The following GAA variants were observed in gnomAD, a reference collection of about 807,000 sequenced individuals.
The protein encoded by GAA is alpha glucosidase, also known as lysosomal alpha-glucosidase.
A neutral mutation model predicts 103.9 loss-of-function variants in GAA; 88 were observed. The observed-to-expected ratio is 0.85, with a 90% CI of 0.71 to 1.01. The LOEUF (loss-of-function observed/expected upper bound fraction) is 1.01. GAA is among the 50% of genes least tolerant of loss of function. The probability of loss-of-function intolerance (pLI) is 0.00; values close to 1 mark genes in which losing one functional copy is unlikely to be tolerated. For synonymous variants in GAA, 572 were observed against 563.1 expected (o/e 1.02, Z -0.22); for missense variants, 1,350 against 1,305.3 (o/e 1.03, Z -0.53).
At chr17:80,111,746 A>G (rs1453003708) in intron 11 of GAA, 2 of 562,048 alleles carry the variant, frequency 3.6e-6, no homozygotes, top group Admixed American at 3.1e-5. Flanking sequence ...GGGGGTCTGC[A>G]GAGCCCAGGC....
At position 80,105,888 on chromosome 17, in the gene GAA, G is replaced by C. The variant is rs776509432; in HGVS notation, c.686G>C (p.Arg229Pro). 49 of 1,595,274 alleles carry C rather than the reference G, an allele frequency of 3.1e-5. No individual in the cohort carries two copies. Among genetic ancestry groups the C allele is most frequent in the Non-Finnish European group, 4.2e-5 (49 of 1,174,302 alleles). ...ATCGTGCGCCGGCAGCTGGACGGCC[G>C]CGTGCTGTGAGTTCTGGGCTCTGTG... ...GVIVRRQLDG[R>P]VLLNTTVAPL... The change falls in exon 3 of 20, where the codon CGC becomes CCC. Residue 229 changes from arginine to proline, a missense_variant. Physicochemically the swap from Arg to Pro is moderately radical, Grantham distance 103. Coordinates refer to ENST00000302262, the MANE Select transcript of GAA (RefSeq NM_000152.5).
intron 11 of GAA, 129 bp downstream of exon 11, chr17:80,111,154 C>A: frequency 1.1e-6 from 1 of 899,692 alleles, no homozygotes; most frequent in Non-Finnish European, 1.7e-6. Context: ...GGGGGGGGAT[C>A]CCCAGGAGAA....
rs1314841832 is a variant in GAA at position 80,119,746 on chromosome 17, C to T, written c.*415C>T. On this transcript the variant is annotated 3_prime_UTR_variant, in exon 20 of 20. Transcript: ENST00000302262. ...GCCTGCTGCTCTGCCCCAACGCGACCGCTGCCCGGCTGCCCAGAGGGCTGG... is the reference window on the plus strand; with the variant it reads ...GCCTGCTGCTCTGCCCCAACGCGACTGCTGCCCGGCTGCCCAGAGGGCTGG... 4.1e-6 allele frequency: 1 copy of T among 242,800 alleles called. No homozygotes were observed. Among genetic ancestry groups the T allele is most frequent in the Non-Finnish European group, 8.2e-6 (1 of 121,308 alleles). The allele number at this position is 242,800 out of a possible 1,614,324, so 15.0% of individuals were successfully genotyped here.
Position 80,101,599 on chromosome 17 carries a change from G to C in GAA, c.-324G>C, listed in dbSNP as rs1440701677. The C allele has an allele frequency of 6.6e-6, 1 of 150,880 alleles. No homozygotes were observed. Among genetic ancestry groups the C allele is most frequent in the Non-Finnish European group, 1.5e-5 (1 of 67,574 alleles). 9.3% of individuals were successfully genotyped at this position (150,880 alleles called of 1,614,324 possible). A position where few individuals can be genotyped will look rare whatever the true frequency, so the allele number is the denominator to read the frequency against. ...CCGGGCACGACCCCGGAGTCTCCGC[G>C]GGCGGCCAGGGCGCGCGTGCGCGGA... On this transcript the variant is annotated 5_prime_UTR_variant, in exon 1 of 20. Coordinates refer to ENST00000302262, the MANE Select transcript of GAA (RefSeq NM_000152.5).
rs757608620 is a variant in GAA, at chr17:80,108,329, C to T, written c.995C>T (p.Ser332Leu). ...LQPSPALSWR[S>L]TGGILDVYIF... The stretch of plus-strand genomic sequence containing the variant: ...CCGAGCCCTGCCCTTAGCTGGAGGT[C>T]GACAGGTGGGATCCTGGATGTCTAC... Residue 332 changes from serine (S) to leucine (L), a missense_variant, in exon 6 of 20, where the codon TCG becomes TTG. Physicochemically the swap from Ser to Leu is moderately radical, Grantham distance 145. Transcript: ENST00000302262. The T allele has an allele frequency of 1.7e-5, 28 of 1,613,578 alleles. No homozygotes were observed. Among genetic ancestry groups the T allele is most frequent in the South Asian group, 1.6e-4 (15 of 91,068 alleles).
At chr17:80,119,210 G>A (rs548179255) in intron 19 of GAA, 62 bp from the exon 20 acceptor site, 6 of 1,518,640 alleles carry the variant, frequency 4.0e-6, no homozygotes, top group Admixed American at 1.7e-5. Context: ...CGCCTTCTGA[G>A]CGCTGGGGTC....
At chr17:80,110,606 T>C (rs1348357111) in intron 9 of GAA, 121 bp from the exon 10 acceptor site, 2 of 785,504 alleles carry the variant, frequency 2.5e-6, no homozygotes, top group African/African-American at 3.4e-5. Context: ...CTCTCAGATT[T>C]GCAAATGTGG....
chr17:80,106,179 A>G (rs1272296765), intron 3 of GAA, among the ~76,000 whole-genome samples: 1 of 152,180 alleles, frequency 6.6e-6, no homozygotes, highest in Non-Finnish European at 1.5e-5. Flanking sequence ...ATTTGCCTTA[A>G]TCTTAAGAGA....
chr17:80,108,657 T>A, intron 7 of GAA, 40 bp from the exon 8 acceptor site: 2 of 1,612,628 alleles, frequency 1.2e-6, no homozygotes, highest in Non-Finnish European at 1.7e-6. Flanking sequence ...GGGACGCGTC[T>A]CCTCAGGCCC....
intron 2 of GAA, 104 bp from the exon 3 acceptor site, chr17:80,105,645 C>T (rs1457200137): frequency 3.2e-5 from 43 of 1,349,474 alleles, no homozygotes; most frequent in Non-Finnish European, 4.3e-5. Context: ...GGTCCCACAT[C>T]CATGTGTGGC....
At chr17:80,113,102 G>A in intron 14 of GAA, 75 bp downstream of exon 14, 1 of 1,550,966 alleles carries the variant, frequency 6.4e-7, no homozygotes, top group Non-Finnish European at 8.7e-7. Flanking sequence ...TCCCACCCCT[G>A]CTGGAGAAGC....
intron 3 of GAA, among the ~76,000 whole-genome samples, 190 bp from the exon 4 acceptor site, chr17:80,107,367 C>T (rs2039110841): frequency 6.6e-6 from 1 of 152,184 alleles, no homozygotes; most frequent in Non-Finnish European, 1.5e-5. Flanking sequence ...GAGAGTTGAT[C>T]ACGCTGGTGC....
intron 8 of GAA, 152 bp downstream of exon 8, chr17:80,108,980 A>G: frequency 9.1e-7 from 1 of 1,098,898 alleles, no homozygotes; most frequent in Non-Finnish European, 1.3e-6. Context: ...AGAAGTTTGC[A>G]GGCTTGGCCC....
At chr17:80,118,514 C>T in intron 18 of GAA, 139 bp from the exon 19 acceptor site, 1 of 1,377,352 alleles carries the variant, frequency 7.3e-7, no homozygotes, top group South Asian at 1.2e-5. Context: ...GGGCCGTGCA[C>T]TCTGCCCTTT....
Position 80,107,807 on chromosome 17 carries a change from C to T in GAA, c.866C>T (p.Ala289Val), listed in dbSNP as rs145903608. 23 of 1,611,348 alleles carry T rather than the reference C, an allele frequency of 1.4e-5. No homozygotes were observed. Among genetic ancestry groups the T allele is most frequent in the Admixed American group, 3.3e-5 (2 of 59,778 alleles). Residue 289 changes from alanine to valine, a missense_variant, in exon 5 of 20, where the codon GCG becomes GTG. Ala to Val is a moderately conservative substitution (Grantham distance 64). Transcript: ENST00000302262. ...GTCTCCTGCATGTCCCAGCCCGGTG[C>T]GAACCTCTACGGGTCTCACCCTTTC... Reference protein sequence around the residue: ...WNRDLAPTPGANLYGSHPFYL... With the variant: ...WNRDLAPTPGVNLYGSHPFYL...
chr17:80,103,498 G>T (rs780687575), intron 1 of GAA, among the ~76,000 whole-genome samples: 1 of 152,136 alleles, frequency 6.6e-6, no homozygotes, highest in Non-Finnish European at 1.5e-5. Context: ...ATATTGAATC[G>T]CATGTGGGTT....
intron 15 of GAA, among the ~76,000 whole-genome samples, chr17:80,114,560 C>G (rs2039321683): frequency 6.6e-6 from 1 of 152,048 alleles, no homozygotes; most frequent in South Asian, 2.1e-4. Context: ...CCTCTCGTTC[C>G]TCTGTGCTGT....
In GAA at chr17:80,110,738, G is replaced by A. The variant is rs2039213274; in HGVS notation, c.1449G>A (p.Gly483=). The part of the protein sequence containing the change: ...GQPLIGKVWP[G]STAFPDFTNP... Reference sequence around the variant, plus strand: ...CTCTCGTTGTCCAGGTATGGCCCGGGTCCACTGCCTTCCCCGACTTCACCA... The same window carrying A: ...CTCTCGTTGTCCAGGTATGGCCCGGATCCACTGCCTTCCCCGACTTCACCA... The change falls in exon 10 of 20, where the codon GGG becomes GGA. Residue 483 remains glycine (G), a synonymous_variant. Coordinates refer to ENST00000302262, the MANE Select transcript of GAA (RefSeq NM_000152.5). 6.2e-7 allele frequency: 1 copy of A among 1,613,880 alleles called. No individual in the cohort carries two copies.
intron 14 of GAA, 33 bp downstream of exon 14, chr17:80,113,060 G>A (rs775660444): frequency 1.1e-5 from 17 of 1,589,646 alleles, no homozygotes; most frequent in East Asian, 2.3e-5. Context: ...GCAGGTGGGC[G>A]ATCCCACCCA....
Sources: gnomAD v4.1 joint callset for allele counts (sites outside exome capture counted in the v4.1 genomes callset) on GRCh38, gnomAD v4.1.1 for gene constraint, MANE v1.5 for transcripts, NCBI Gene and HGNC (gene_info 2026-07-23, HGNC 2026-07-21) for gene names.